CCDC3: variants seen among roughly 807,000 people sequenced by gnomAD.
CCDC3 encodes coiled-coil domain containing 3, also known as coiled-coil domain-containing protein 3.
Under a neutral mutation model 21.4 loss-of-function variants are expected in CCDC3, and 24 were observed. That is an observed-to-expected ratio of 1.12 (90% CI 0.81 to 1.58). The LOEUF is 1.58. Among genes scored for constraint, CCDC3 ranks in the 40% most tolerant of loss-of-function variants. The probability of loss-of-function intolerance (pLI) is 0.00; values close to 1 mark genes in which losing one functional copy is unlikely to be tolerated. For synonymous variants in CCDC3, 186 were observed against 166.0 expected, an observed-to-expected ratio of 1.12 and a Z score of -0.93; for missense variants, 425 against 360.9, an observed-to-expected ratio of 1.18 and a Z score of -1.44.
chr10:12,970,574 T>G (rs940014238), intron 2 of CCDC3, among the ~76,000 whole-genome samples: 4 of 152,118 alleles, frequency 2.6e-5, no homozygotes, highest in African/African-American at 9.7e-5. Flanking sequence ...TTTACTTAAT[T>G]AAATAAATTA....
At chr10:13,070,111 T>TG (rs397736997) in intron 4 of CCDC3, among the ~76,000 whole-genome samples, 1 of 152,000 alleles carries the variant, frequency 6.6e-6, no homozygotes, top group East Asian at 1.9e-4. Context: ...GGTAATCTTT[T>TG]GACTTTTGCT....
intron 3 of CCDC3, among the ~76,000 whole-genome samples, chr10:13,077,795 T>G (rs1836984814): frequency 6.6e-6 from 1 of 152,218 alleles, no homozygotes; most frequent in African/African-American, 2.4e-5. Context: ...CTGGGAAAAC[T>G]GGCTAGCCAT....
At chr10:13,089,207 A>C (rs1298356812) in intron 3 of CCDC3, among the ~76,000 whole-genome samples, 1 of 152,206 alleles carries the variant, frequency 6.6e-6, no homozygotes, top group Non-Finnish European at 1.5e-5. Flanking sequence ...TTAAAGTAGT[A>C]ACTTTATTTG....
At chr10:12,948,728 G>T (rs866696408) in intron 2 of CCDC3, among the ~76,000 whole-genome samples, 32 of 91,074 alleles carry the variant, frequency 3.5e-4, no homozygotes, top group Middle Eastern at 9.3e-3. Context: ...TTTTAAGGCA[G>T]TTTTTTTTTT....
intron 2 of CCDC3, among the ~76,000 whole-genome samples, chr10:12,916,621 G>GA (rs71386130): frequency 2.5e-4 from 36 of 142,340 alleles, no homozygotes; most frequent in African/African-American, 3.9e-4. Flanking sequence ...CTCCATCTCA[G>GA]AAAAAAAAAA....
chr10:12,899,189 A>G (rs1588995441), intron 2 of CCDC3, among the ~76,000 whole-genome samples: 2 of 152,166 alleles, frequency 1.3e-5, no homozygotes, highest in Non-Finnish European at 2.9e-5. Context: ...TGGCCAGCAC[A>G]CAGAAGGTGG....
chr10:13,069,215 A>C (rs968457762), intron 4 of CCDC3, among the ~76,000 whole-genome samples: 9 of 152,248 alleles, frequency 5.9e-5, no homozygotes, highest in African/African-American at 1.9e-4. Flanking sequence ...AGATTGTGCC[A>C]TTGCACTCCA....
At chr10:13,005,484 G>A (rs1835915467), upstream of CCDC3, among the ~76,000 whole-genome samples, 6 of 152,162 alleles carry the variant, frequency 3.9e-5, no homozygotes, top group South Asian at 1.2e-3. Flanking sequence ...CCCAATTCAT[G>A]ATGAGAAGTT....
chr10:12,981,017 G>A (rs1033072191), intron 2 of CCDC3, among the ~76,000 whole-genome samples: 1 of 152,042 alleles, frequency 6.6e-6, no homozygotes. Context: ...TGGGGGAGAG[G>A]AGACCCTTTA....
chr10:12,961,341 A>G (rs970051066), intron 2 of CCDC3, among the ~76,000 whole-genome samples: 4 of 152,168 alleles, frequency 2.6e-5, no homozygotes, highest in Non-Finnish European at 5.9e-5. Flanking sequence ...TGCCAAAAAT[A>G]TGTCAGGAAG....
At chr10:13,073,748 A>G (rs1392020600) in intron 4 of CCDC3, 3 of 152,174 alleles carry the variant, frequency 2.0e-5, no homozygotes, top group Non-Finnish European at 4.4e-5. Flanking sequence ...CAGCTTCCCT[A>G]GGTGCTGGGA....
intron 2 of CCDC3, among the ~76,000 whole-genome samples, chr10:12,942,942 T>C (rs1470449251): frequency 6.6e-6 from 1 of 152,190 alleles, no homozygotes; most frequent in Non-Finnish European, 1.5e-5. Flanking sequence ...TTACCGCAGA[T>C]GAATGACGCC....
At chr10:12,968,722 T>G (rs1026425833) in intron 2 of CCDC3, among the ~76,000 whole-genome samples, 2 of 152,066 alleles carry the variant, frequency 1.3e-5, no homozygotes, top group Non-Finnish European at 2.9e-5. Flanking sequence ...AAACACAAAA[T>G]GGGGAGGTGG....
intron 5 of CCDC3, among the ~76,000 whole-genome samples, chr10:13,011,996 C>T (rs1220469239): frequency 2.0e-5 from 3 of 152,096 alleles, no homozygotes; most frequent in Non-Finnish European, 4.4e-5. Flanking sequence ...GCTAGCAATA[C>T]GTGGAAGATT....
At chr10:13,072,524 A>G (rs1361728761) in intron 4 of CCDC3, among the ~76,000 whole-genome samples, 2 of 152,190 alleles carry the variant, frequency 1.3e-5, no homozygotes, top group African/African-American at 4.8e-5. Flanking sequence ...CCAGGGCTTC[A>G]TCTGAGCCTG....
chr10:12,951,522 T>C (rs760899961), intron 2 of CCDC3, among the ~76,000 whole-genome samples: 6 of 152,012 alleles, frequency 3.9e-5, no homozygotes, highest in Non-Finnish European at 7.4e-5. Flanking sequence ...TTTATGCAGT[T>C]TTGTGACACT....
At chr10:13,085,103 T>C (rs1409702499) in intron 3 of CCDC3, among the ~76,000 whole-genome samples, 1 of 152,208 alleles carries the variant, frequency 6.6e-6, no homozygotes, top group Non-Finnish European at 1.5e-5. Flanking sequence ...GTCAATATCC[T>C]TCCTTCCAGA....
At chr10:13,012,081 A>G (rs1188219112) in intron 5 of CCDC3, among the ~76,000 whole-genome samples, 1 of 152,236 alleles carries the variant, frequency 6.6e-6, no homozygotes, top group African/African-American at 2.4e-5. Flanking sequence ...ATAAAACCTA[A>G]AACTATAAAA....
At chr10:12,978,104 C>T (rs538434836) in intron 2 of CCDC3, among the ~76,000 whole-genome samples, 6 of 152,170 alleles carry the variant, frequency 3.9e-5, no homozygotes, top group Admixed American at 1.3e-4. Context: ...CTGCAACCTC[C>T]GCCTCCCAGG....
Sources: gnomAD v4.1 joint callset for allele counts (sites outside exome capture counted in the v4.1 genomes callset) on GRCh38, gnomAD v4.1.1 for gene constraint, MANE v1.5 for transcripts, NCBI Gene and HGNC (gene_info 2026-07-23, HGNC 2026-07-21) for gene names.